The following CNTLN variants were observed in gnomAD, a reference collection of about 807,000 sequenced individuals.
CNTLN encodes the protein centlein, also known as centlein, centrosomal protein.
A neutral mutation model predicts 180.0 loss-of-function variants in CNTLN; 212 were observed. The observed-to-expected ratio is 1.18, with a 90% CI of 1.05 to 1.32. The LOEUF is 1.32. Among genes scored for constraint, CNTLN ranks in the 40% most tolerant of loss-of-function variants. The probability of loss-of-function intolerance (pLI) is 0.00; values close to 1 mark genes in which losing one functional copy is unlikely to be tolerated. For missense variants in CNTLN, 2,095 were observed against 1,610.9 expected (o/e 1.30, Z -5.14); for synonymous variants, 722 against 563.1 (o/e 1.28, Z -3.99).
At chr9:17,261,033 G>T (rs932522758) in intron 5 of CNTLN, among the ~76,000 whole-genome samples, 3 of 151,134 alleles carry the variant, frequency 2.0e-5, no homozygotes, top group African/African-American at 7.4e-5. Flanking sequence ...ATTGGTCTCT[G>T]TGTCTGTTTT....
chr9:17,306,139 G>C (rs1157513974), intron 7 of CNTLN, among the ~76,000 whole-genome samples: 1 of 140,446 alleles, frequency 7.1e-6, no homozygotes, highest in Non-Finnish European at 1.5e-5. Flanking sequence ...GGTGCTATTA[G>C]TCGTCTATTT....
At chr9:17,359,725 C>CAAAAAAAAAAAAAAA (rs1176814681) in intron 12 of CNTLN, among the ~76,000 whole-genome samples, 1 of 21,334 alleles carries the variant, frequency 4.7e-5, no homozygotes, top group African/African-American at 1.2e-4. Context: ...ACTAAAAATA[C>CAAAAAAAAAAAAAAA]AAAAAAAAAA....
intron 2 of CNTLN, among the ~76,000 whole-genome samples, chr9:17,154,539 A>C (rs1179284309): frequency 2.0e-5 from 3 of 152,198 alleles, no homozygotes; most frequent in Non-Finnish European, 2.9e-5. Flanking sequence ...CACCTGCCAG[A>C]TGCCAGCCAG....
the CNTLN span, among the ~76,000 whole-genome samples, chr9:17,526,397 A>G: frequency 3.5e-4 from 54 of 152,348 alleles, no homozygotes; most frequent in African/African-American, 1.3e-3. Context: ...ACTTAGTACA[A>G]AAAAACTGAC....
intron 2 of CNTLN, among the ~76,000 whole-genome samples, chr9:17,145,939 T>C (rs1391657149): frequency 6.6e-6 from 1 of 152,220 alleles, no homozygotes; most frequent in African/African-American, 2.4e-5. Flanking sequence ...TTTATGTCCA[T>C]GTATTTTTGC....
chr9:17,270,357 ACT>A (rs1055451394), intron 5 of CNTLN, among the ~76,000 whole-genome samples: 18 of 151,714 alleles, frequency 1.2e-4, no homozygotes, highest in African/African-American at 4.3e-4. Context: ...GATTTTTCTG[ACT>A]CTATTGGCAT....
chr9:17,237,099 A>G (rs540458194), intron 5 of CNTLN, among the ~76,000 whole-genome samples: 1 of 152,164 alleles, frequency 6.6e-6, no homozygotes, highest in Non-Finnish European at 1.5e-5. Context: ...TTTATAGAAG[A>G]TAAAAGTTAC....
intron 2 of CNTLN, among the ~76,000 whole-genome samples, chr9:17,201,690 A>G (rs1435537611): frequency 1.3e-5 from 2 of 151,888 alleles, no homozygotes; most frequent in Non-Finnish European, 2.9e-5. Flanking sequence ...TATCCCCTTT[A>G]TAATTTTTTA....
intron 18 of CNTLN, among the ~76,000 whole-genome samples, chr9:17,451,400 T>A (rs1830768725): frequency 6.6e-6 from 1 of 152,226 alleles, no homozygotes; most frequent in Non-Finnish European, 1.5e-5. Flanking sequence ...TATTTCTGTA[T>A]TCAACATTAA....
chr9:17,236,628 C>T, intron 5 of CNTLN, 40 bp downstream of exon 5: 1 of 1,495,806 alleles, frequency 6.7e-7, no homozygotes, highest in Non-Finnish European at 9.0e-7. Flanking sequence ...TCTTTTGGAT[C>T]TAACTTTTTC....
chr9:17,221,867 G>A (rs1563896509), intron 2 of CNTLN, among the ~76,000 whole-genome samples: 1 of 152,056 alleles, frequency 6.6e-6, no homozygotes, highest in African/African-American at 2.4e-5. Context: ...TTAGAAGGGA[G>A]CTTTTATTCC....
chr9:17,318,164 A>T (rs1013879139), intron 8 of CNTLN, among the ~76,000 whole-genome samples: 2 of 151,446 alleles, frequency 1.3e-5, no homozygotes, highest in African/African-American at 4.9e-5. Context: ...AGTAGCTGGG[A>T]CTACAGGCGC....
chr9:17,259,736 C>T (rs1826806207), intron 5 of CNTLN, among the ~76,000 whole-genome samples: 1 of 150,490 alleles, frequency 6.6e-6, no homozygotes, highest in East Asian at 1.9e-4. Flanking sequence ...TTATCCATTT[C>T]TTCTAGATTT....
In CNTLN at chr9:17,236,549, T is replaced by C. The variant is rs775501020; in HGVS notation, c.810T>C (p.His270=). Residue 270 remains histidine, a synonymous_variant, in exon 5 of 26, where the codon CAT becomes CAC. Coordinates refer to ENST00000380647, the MANE Select transcript of CNTLN (RefSeq NM_017738.4). ...DLEKLRKQEA[H]LRKEKYSTDA... ...AGAAATTGAGGAAGCAGGAAGCACA[T>C]TTGAGAAAAGAAAAATATAGCACTG... 2.2e-5 allele frequency: 36 copies of C among 1,613,064 alleles called. No individual in the cohort carries two copies. In the East Asian group the frequency reaches 6.9e-4, roughly 31 times the overall value.
intron 2 of CNTLN, among the ~76,000 whole-genome samples, chr9:17,218,902 A>G (rs1300347925): frequency 2.0e-5 from 3 of 152,182 alleles, no homozygotes; most frequent in African/African-American, 2.4e-5. Context: ...TGTATAATAT[A>G]TGGCATGGTC....
chr9:17,466,014 A>G lies in CNTLN; in HGVS notation c.3565A>G (p.Lys1189Glu), dbSNP rs1831723947. The G allele has an allele frequency of 1.9e-6, 3 of 1,605,820 alleles. No individual in the cohort carries two copies. Among genetic ancestry groups the G allele is most frequent in the Non-Finnish European group, 2.6e-6 (3 of 1,174,292 alleles). Residue 1189 changes from lysine to glutamate, a missense_variant, in exon 22 of 26, where the codon AAG becomes GAG. By Grantham distance (56) the Lys-to-Glu change is moderately conservative (BLOSUM62 1). Transcript: ENST00000380647. The stretch of plus-strand genomic sequence containing the variant: ...ATTAACTGAAGAATGTTCCAACAAG[A>G]AGGTATCAATTGATTCACTAAAGCA... ...KTLTEECSNK[K>E]VSIDSLKQRL... is the part of the protein sequence containing the mutation.
rs770188154 is a variant in CNTLN, at chr9:17,388,264, C to G, written c.2079+11C>G. On this transcript the variant is annotated intron_variant, in intron 14 of 25. Transcript: ENST00000380647. ...CAGACATTACAGAAGGTAGTCTAATCTTTAAGATATTGAGCTGAGCAAGTT... is the reference window on the plus strand; with the variant it reads ...CAGACATTACAGAAGGTAGTCTAATGTTTAAGATATTGAGCTGAGCAAGTT... 1.2e-5 allele frequency: 19 copies of G among 1,559,938 alleles called. 1 individual carries two copies. Among genetic ancestry groups the G allele is most frequent in the Non-Finnish European group, 1.5e-5 (17 of 1,132,432 alleles).
At chr9:17,474,771 G>A (rs1173163330) in intron 23 of CNTLN, among the ~76,000 whole-genome samples, 1 of 151,960 alleles carries the variant, frequency 6.6e-6, no homozygotes, top group Non-Finnish European at 1.5e-5. Context: ...TGGAGGCTGA[G>A]GCAGGAGAAT....
At chr9:17,381,074 A>G (rs999456843) in intron 13 of CNTLN, among the ~76,000 whole-genome samples, 2 of 152,184 alleles carry the variant, frequency 1.3e-5, no homozygotes, top group East Asian at 1.9e-4. Flanking sequence ...GTTAGTTTCT[A>G]TGGAGGATTG....
Sources: allele counts gnomAD v4.1 joint callset (sites outside exome capture counted in the v4.1 genomes callset), GRCh38; gene constraint gnomAD v4.1.1; transcripts MANE v1.5; gene names NCBI Gene and HGNC (gene_info 2026-07-23, HGNC 2026-07-21).